Variants in NDUFA5 observed in about 807,000 individuals in gnomAD.
NDUFA5 encodes NADH:ubiquinone oxidoreductase subunit A5.
A neutral mutation model predicts 19.8 loss-of-function variants in NDUFA5; 11 were observed. The observed-to-expected ratio is 0.56, with a 90% CI of 0.35 to 0.92. NDUFA5 has a LOEUF of 0.92. Among genes scored for constraint, NDUFA5 ranks in the 40% least tolerant of loss-of-function variants. NDUFA5 has a pLI of 0.01. For missense variants in NDUFA5, 109 were observed against 134.2 expected, an observed-to-expected ratio of 0.81 and a Z score of 0.93; for synonymous variants, 47 against 46.8, an observed-to-expected ratio of 1.00 and a Z score of -0.01.
the NDUFA5 span, among the ~76,000 whole-genome samples, chr7:123,593,159 G>A: frequency 6.6e-6 from 1 of 151,998 alleles, no homozygotes; most frequent in South Asian, 2.1e-4. Flanking sequence ...TTGAGCCTAT[G>A]TGTGTCTTTG....
chr7:123,561,409 A>G (rs1292023005), upstream of NDUFA5, among the ~76,000 whole-genome samples: 1 of 152,200 alleles, frequency 6.6e-6, no homozygotes, highest in Non-Finnish European at 1.5e-5. Flanking sequence ...CATCTGATCA[A>G]GTTTTATCAT....
the NDUFA5 span, among the ~76,000 whole-genome samples, chr7:123,590,333 C>A: frequency 6.6e-6 from 1 of 152,048 alleles, no homozygotes; most frequent in Non-Finnish European, 1.5e-5. Context: ...TAATTAGATC[C>A]CATTTGTCTA....
the NDUFA5 span, among the ~76,000 whole-genome samples, chr7:123,567,817 A>G: frequency 6.6e-6 from 1 of 152,118 alleles, no homozygotes; most frequent in Non-Finnish European, 1.5e-5. Flanking sequence ...AACCTTGGAA[A>G]GAAAAAAAAA....
At chr7:123,600,332 T>C in the NDUFA5 span, among the ~76,000 whole-genome samples, 2 of 152,196 alleles carry the variant, frequency 1.3e-5, no homozygotes, top group African/African-American at 4.8e-5. Flanking sequence ...ATGGTATAGG[T>C]AGATCTATAA....
At chr7:123,579,598 T>C in the NDUFA5 span, among the ~76,000 whole-genome samples, 1 of 152,092 alleles carries the variant, frequency 6.6e-6, no homozygotes, top group African/African-American at 2.4e-5. Context: ...AAAATGAAAG[T>C]TAAAACTTAA....
chr7:123,592,557 A>G, the NDUFA5 span, among the ~76,000 whole-genome samples: 1 of 152,336 alleles, frequency 6.6e-6, no homozygotes, highest in South Asian at 2.1e-4. Flanking sequence ...GTAGTCACTC[A>G]GGAGCAGGTT....
chr7:123,584,251 G>A, the NDUFA5 span, among the ~76,000 whole-genome samples: 2 of 146,076 alleles, frequency 1.4e-5, no homozygotes, highest in Non-Finnish European at 3.0e-5. Context: ...AATCAAGGCT[G>A]CAGTGAGCTA....
the NDUFA5 span, among the ~76,000 whole-genome samples, chr7:123,564,920 C>T: frequency 6.8e-6 from 1 of 147,844 alleles, no homozygotes; most frequent in South Asian, 2.1e-4. Context: ...CACACACACA[C>T]ATATATATAC....
the NDUFA5 span, among the ~76,000 whole-genome samples, chr7:123,570,518 G>A: frequency 1.3e-5 from 2 of 151,946 alleles, no homozygotes; most frequent in African/African-American, 4.8e-5. Flanking sequence ...AATGATCTGG[G>A]CATGAGCAAG....
the NDUFA5 span, among the ~76,000 whole-genome samples, chr7:123,590,346 T>G: frequency 6.6e-6 from 1 of 152,250 alleles, no homozygotes; most frequent in South Asian, 2.1e-4. Flanking sequence ...TTTGTCTATT[T>G]TGGCTTTTGT....
At chr7:123,549,353 G>A (rs991901786) in intron 3 of NDUFA5, among the ~76,000 whole-genome samples, 1 of 152,218 alleles carries the variant, frequency 6.6e-6, no homozygotes, top group African/African-American at 2.4e-5. Flanking sequence ...CTCTTCTTTG[G>A]TTGAAACTGG....
the NDUFA5 span, among the ~76,000 whole-genome samples, chr7:123,568,246 C>G: frequency 6.6e-6 from 1 of 152,154 alleles, no homozygotes; most frequent in Non-Finnish European, 1.5e-5. Flanking sequence ...GGCGCGGTGG[C>G]TCACGCCTGT....
chr7:123,544,270 A>C lies in NDUFA5; in HGVS notation c.249+1341T>G, dbSNP rs1217920774. On this transcript the variant is annotated intron_variant, in intron 4 of 4. Coordinates refer to ENST00000355749, the MANE Select transcript of NDUFA5 (RefSeq NM_005000.5). ...TCCCAGCACTTTGGGAGGCCGAGGC[A>C]GGCAGATCACCTGAGGTCAGGAGTT... 2.6e-5 allele frequency among the ~76,000 whole-genome samples: 4 copies of C among 152,058 alleles called. No homozygotes were observed. The East Asian group carries it at 7.7e-4, about 29-fold the overall frequency.
the NDUFA5 span, among the ~76,000 whole-genome samples, chr7:123,585,701 A>T: frequency 6.6e-6 from 1 of 151,550 alleles, no homozygotes; most frequent in African/African-American, 2.4e-5. Flanking sequence ...GCAAACTTTA[A>T]GTATACTATA....
At chr7:123,557,689 G>A in intron 1 of NDUFA5, 86 bp downstream of exon 1, 2 of 1,614,058 alleles carry the variant, frequency 1.2e-6, no homozygotes, top group African/African-American at 1.3e-5. Context: ...CGCGACAGTA[G>A]GGGTCAACAC....
the NDUFA5 span, among the ~76,000 whole-genome samples, chr7:123,569,946 T>A: frequency 6.6e-6 from 1 of 152,124 alleles, no homozygotes; most frequent in African/African-American, 2.4e-5. Flanking sequence ...GTTATTATTA[T>A]GTTTTTGACT....
the NDUFA5 span, among the ~76,000 whole-genome samples, chr7:123,591,085 A>G: frequency 2.0e-5 from 3 of 152,092 alleles, no homozygotes; most frequent in Non-Finnish European, 4.4e-5. Flanking sequence ...TTCACTCATA[A>G]TTTGGCTCTC....
the NDUFA5 span, among the ~76,000 whole-genome samples, chr7:123,600,094 G>T: frequency 5.3e-5 from 8 of 152,152 alleles, no homozygotes; most frequent in East Asian, 1.5e-3. Flanking sequence ...TGAGGAATAG[G>T]CCTCATTAAA....
chr7:123,554,025 A>G (rs1319679358), intron 2 of NDUFA5, among the ~76,000 whole-genome samples: 1 of 152,212 alleles, frequency 6.6e-6, no homozygotes, highest in African/African-American at 2.4e-5. Context: ...TACAGCAAAC[A>G]TAAGGAAGTG....
Sources: allele counts gnomAD v4.1 joint callset (sites outside exome capture counted in the v4.1 genomes callset), GRCh38; gene constraint gnomAD v4.1.1; transcripts MANE v1.5; gene names NCBI Gene and HGNC (gene_info 2026-07-23, HGNC 2026-07-21).